SYT1: variants seen among roughly 807,000 people sequenced by gnomAD.
SYT1 encodes the protein synaptotagmin 1, also known as synaptotagmin-1.
In SYT1, 8 loss-of-function variants were observed where a neutral mutation model predicts 44.8. That is an observed-to-expected ratio of 0.18 (90% confidence interval 0.10 to 0.32). The LOEUF (loss-of-function observed/expected upper bound fraction) is 0.32. Among genes scored for constraint, SYT1 ranks in the 10% least tolerant of loss-of-function variants. The pLI is 1.00. For missense variants in SYT1, 286 were observed against 509.3 expected, an observed-to-expected ratio of 0.56 and a Z score of 4.22; for synonymous variants, 154 against 188.8, an observed-to-expected ratio of 0.82 and a Z score of 1.51.
At chr12:79,206,889 G>T (rs1042935431) in intron 3 of SYT1, among the ~76,000 whole-genome samples, 4 of 152,212 alleles carry the variant, frequency 2.6e-5, no homozygotes, top group African/African-American at 9.6e-5. Flanking sequence ...AACAGAAGTG[G>T]AGTAACTGCA....
chr12:79,442,553 A>T (rs1367378798), intron 9 of SYT1, among the ~76,000 whole-genome samples: 1 of 152,152 alleles, frequency 6.6e-6, no homozygotes, highest in Non-Finnish European at 1.5e-5. Context: ...GGGTAGTGGG[A>T]AAAAGTCAGG....
At chr12:79,405,310 A>C (rs1478215160) in intron 9 of SYT1, among the ~76,000 whole-genome samples, 1 of 152,168 alleles carries the variant, frequency 6.6e-6, no homozygotes, top group Non-Finnish European at 1.5e-5. Flanking sequence ...TTTAAACCCC[A>C]AAATTCCAAA....
intron 4 of SYT1, among the ~76,000 whole-genome samples, chr12:79,284,478 G>T (rs1482725947): frequency 6.6e-6 from 1 of 151,988 alleles, no homozygotes; most frequent in African/African-American, 2.4e-5. Flanking sequence ...TGTGTGAGTA[G>T]TTTATGTTTT....
chr12:78,989,787 G>GA (rs775210891), intron 2 of SYT1, among the ~76,000 whole-genome samples: 2 of 151,998 alleles, frequency 1.3e-5, no homozygotes, highest in Non-Finnish European at 2.9e-5. Context: ...CATCATCAAA[G>GA]AAAAAACTAG....
At chr12:79,000,062 T>C (rs997385340) in intron 2 of SYT1, among the ~76,000 whole-genome samples, 1 of 152,108 alleles carries the variant, frequency 6.6e-6, no homozygotes, top group Non-Finnish European at 1.5e-5. Context: ...GATTGGGGCG[T>C]GTTAGAATAT....
chr12:79,420,572 C>T (rs1294351428), intron 9 of SYT1, among the ~76,000 whole-genome samples: 1 of 152,112 alleles, frequency 6.6e-6, no homozygotes, highest in East Asian at 1.9e-4. Context: ...TCCTGGCACA[C>T]TTCTGTCCTC....
chr12:79,124,132 TCAAAATTCATCCTCTAAAAGCTATC>T (rs1341492223), intron 3 of SYT1, among the ~76,000 whole-genome samples: 2 of 152,334 alleles, frequency 1.3e-5, no homozygotes, highest in East Asian at 3.9e-4. Context: ...AAATAGCTGA[TCAAAATTCATCCTCTAAAAGCTATC>T]CTGTAACTTA....
intron 1 of SYT1, among the ~76,000 whole-genome samples, chr12:78,885,467 A>G (rs1874696751): frequency 1.3e-5 from 2 of 152,048 alleles, no homozygotes; most frequent in South Asian, 4.1e-4. Context: ...AATAAAAATA[A>G]AAAACAAGGA....
intron 1 of SYT1, among the ~76,000 whole-genome samples, chr12:78,911,669 T>A (rs186579476): frequency 1.3e-5 from 2 of 151,896 alleles, no homozygotes; most frequent in Non-Finnish European, 2.9e-5. Flanking sequence ...GCTGTTTCAA[T>A]GCAGTCATGG....
At chr12:79,014,315 T>A (rs1871648135) in intron 2 of SYT1, among the ~76,000 whole-genome samples, 1 of 152,160 alleles carries the variant, frequency 6.6e-6, no homozygotes, top group African/African-American at 2.4e-5. Flanking sequence ...CCCAGTCTTT[T>A]CAAATACTTT....
chr12:78,897,142 A>G (rs993623848), intron 1 of SYT1, among the ~76,000 whole-genome samples: 2 of 151,908 alleles, frequency 1.3e-5, no homozygotes, highest in East Asian at 3.9e-4. Context: ...TGGCATTTAA[A>G]TATATAATTC....
chr12:79,378,341 G>T (rs1028293903), intron 9 of SYT1, among the ~76,000 whole-genome samples: 1 of 152,074 alleles, frequency 6.6e-6, no homozygotes, highest in Non-Finnish European at 1.5e-5. Context: ...TTCTATTGTG[G>T]TTATGTAATC....
At chr12:78,901,093 T>G (rs17045895) in intron 1 of SYT1, among the ~76,000 whole-genome samples, 12,523 of 152,132 alleles carry the variant, frequency 0.082, 608 homozygotes, top group African/African-American at 0.13. Flanking sequence ...TCTCTATCTG[T>G]TTGATTTTAT....
intron 6 of SYT1, among the ~76,000 whole-genome samples, chr12:79,295,358 T>C (rs1329351774): frequency 2.0e-5 from 3 of 152,188 alleles, no homozygotes; most frequent in Non-Finnish European, 4.4e-5. Flanking sequence ...GTAATAGTTC[T>C]GTGGTGTTTG....
chr12:79,382,078 T>A (rs1251039917), intron 9 of SYT1, among the ~76,000 whole-genome samples: 1 of 152,088 alleles, frequency 6.6e-6, no homozygotes, highest in Non-Finnish European at 1.5e-5. Flanking sequence ...TCAACGTGTT[T>A]TTCAATCAGT....
intron 4 of SYT1, among the ~76,000 whole-genome samples, chr12:79,252,004 ATAG>A (rs1565876393): frequency 2.0e-5 from 3 of 151,976 alleles, no homozygotes; most frequent in African/African-American, 7.3e-5. Flanking sequence ...AGATAGATAG[ATAG>A]ATAATATATA....
intron 3 of SYT1, among the ~76,000 whole-genome samples, chr12:79,162,092 A>T (rs1381976131): frequency 1.3e-5 from 2 of 152,132 alleles, no homozygotes; most frequent in African/African-American, 4.8e-5. Context: ...CTCTACCATA[A>T]GAAAGCAACA....
At chr12:79,353,279 T>C (rs943846592) in intron 8 of SYT1, among the ~76,000 whole-genome samples, 2 of 152,032 alleles carry the variant, frequency 1.3e-5, no homozygotes, top group African/African-American at 4.8e-5. Context: ...AAAGTATAGA[T>C]GATCTTTGTT....
At position 79,026,668 on chromosome 12, in the gene SYT1, TATATATATATATA is replaced by T. The variant is rs1299999251; in HGVS notation, c.-83-20628_-83-20616del. Among the ~76,000 whole-genome samples the T allele has an allele frequency of 1.7e-3, 11 of 6,518 alleles. No individual in the cohort carries two copies. In the South Asian group the frequency reaches 0.02, roughly 12 times the overall value. The allele number at this position is 6,518 out of a possible 152,430, so 4.3% of individuals were successfully genotyped here. A position where few individuals can be genotyped will look rare whatever the true frequency, so the allele number is the denominator to read the frequency against. ...TGTGTGTGTATATACATATATATTT[TATATATATATATA>T]TATATATATATATATATATATCACA... On this transcript the variant is annotated intron_variant, in intron 2 of 10. Coordinates refer to ENST00000261205, the MANE Select transcript of SYT1 (RefSeq NM_005639.3).
Sources: allele counts gnomAD v4.1 joint callset (sites outside exome capture counted in the v4.1 genomes callset), GRCh38; gene constraint gnomAD v4.1.1; transcripts MANE v1.5; gene names NCBI Gene and HGNC (gene_info 2026-07-23, HGNC 2026-07-21).